The following SCAPER variants were observed in gnomAD, a reference collection of about 807,000 sequenced individuals.
SCAPER encodes S-phase cyclin A associated protein in the ER.
A neutral mutation model predicts 182.2 loss-of-function variants in SCAPER; 98 were observed. The ratio of observed to expected loss-of-function variants is 0.54; its 90% CI spans 0.46 to 0.64. The LOEUF is 0.64. Ranked by LOEUF, SCAPER falls within the 30% of genes least tolerant of loss-of-function variation. The pLI is 0.00. For missense variants in SCAPER, 1,432 were observed against 1,690.0 expected (o/e 0.85, Z 2.68); for synonymous variants, 605 against 564.6 (o/e 1.07, Z -1.01).
At chr15:76,458,229 C>T (rs1263792008) in intron 25 of SCAPER, among the ~76,000 whole-genome samples, 1 of 151,960 alleles carries the variant, frequency 6.6e-6, no homozygotes, top group Non-Finnish European at 1.5e-5. Context: ...TACACACACA[C>T]ACATATACCC....
intron 24 of SCAPER, among the ~76,000 whole-genome samples, chr15:76,491,585 C>T (rs1286462944): frequency 6.6e-6 from 1 of 152,094 alleles, no homozygotes; most frequent in Non-Finnish European, 1.5e-5. Context: ...ATATGTAGTT[C>T]CAACTTCTCT....
At position 76,774,860 on chromosome 15, in the gene SCAPER, T is replaced by C; in HGVS notation, c.1030A>G (p.Thr344Ala). Residue 344 changes from threonine to alanine, a missense_variant, in exon 9 of 32, where the codon ACC becomes GCC. By Grantham distance (58) the Thr-to-Ala change is moderately conservative. Transcript: ENST00000563290. Reference sequence around the variant, plus strand: ...GGATTTTCAGAATGTACTACCTGGGTTTTTTCGGCAAGAGGATGGTCACAA... The same window carrying C: ...GGATTTTCAGAATGTACTACCTGGGCTTTTTCGGCAAGAGGATGGTCACAA... Reference protein sequence around the residue: ...HSCDHPLAEKTQFTVSTLDDV... With the variant: ...HSCDHPLAEKAQFTVSTLDDV... 3.1e-6 allele frequency: 5 copies of C among 1,609,584 alleles called. No homozygotes were observed. The highest frequency in any genetic ancestry group is 4.2e-6 in the Non-Finnish European group (5 of 1,177,890).
chr15:76,418,801 C>T (rs1050997957), intron 26 of SCAPER, among the ~76,000 whole-genome samples: 3 of 152,232 alleles, frequency 2.0e-5, no homozygotes, highest in African/African-American at 7.2e-5. Context: ...CACATCTGGC[C>T]TGAGAGCTGG....
intron 1 of SCAPER, among the ~76,000 whole-genome samples, chr15:76,888,156 C>A (rs910507101): frequency 6.6e-6 from 1 of 152,220 alleles, no homozygotes; most frequent in South Asian, 2.1e-4. Flanking sequence ...GACATCCACA[C>A]CAAAACCTCA....
chr15:76,765,448 T>G lies in SCAPER; in HGVS notation c.1502A>C (p.Glu501Ala), dbSNP rs770656410. 1.2e-6 allele frequency: 2 copies of G among 1,613,700 alleles called. No individual in the cohort carries two copies. Among genetic ancestry groups the G allele is most frequent in the Non-Finnish European group, 1.7e-6 (2 of 1,179,694 alleles). ...NDVLADYEAR[E>A]SWRQNTSWGD... ...CCAGGATGTATTTTGGCGCCAAGAC[T>G]CACGAGCTGTTCAGAAAAAAATACT... The change falls in exon 13 of 32, where the codon GAG (glutamate) becomes GCG (alanine). Residue 501 changes from glutamate (E) to alanine (A), a missense_variant. Transcript: ENST00000563290.
intron 9 of SCAPER, among the ~76,000 whole-genome samples, chr15:76,772,552 T>C (rs1205234950): frequency 2.0e-5 from 3 of 152,080 alleles, no homozygotes; most frequent in East Asian, 1.9e-4. Flanking sequence ...GAGAAAAGCA[T>C]GACCTAAGGG....
intron 29 of SCAPER, among the ~76,000 whole-genome samples, chr15:76,358,340 G>A (rs562369343): frequency 6.6e-6 from 1 of 152,330 alleles, no homozygotes; most frequent in East Asian, 1.9e-4. Context: ...GGAAACCGTA[G>A]GTGAATTTTC....
intron 17 of SCAPER, among the ~76,000 whole-genome samples, chr15:76,727,206 TAG>T (rs1360093421): frequency 4.6e-5 from 7 of 152,086 alleles, no homozygotes; most frequent in Admixed American, 3.3e-4. Context: ...CCTGAATTTA[TAG>T]ATTCAATGCA....
chr15:76,671,765 G>A (rs568009038), intron 20 of SCAPER, among the ~76,000 whole-genome samples: 97 of 150,022 alleles, frequency 6.5e-4, no homozygotes, highest in Admixed American at 5.2e-3. Context: ...GCGAGACTCC[G>A]TTTAAAAAAA....
At chr15:76,822,747 T>C (rs1357954057) in intron 5 of SCAPER, among the ~76,000 whole-genome samples, 1 of 152,172 alleles carries the variant, frequency 6.6e-6, no homozygotes, top group Non-Finnish European at 1.5e-5. Flanking sequence ...TGATCACTGA[T>C]GCATCTAAAT....
chr15:76,372,075 CA>C, intron 29 of SCAPER, among the ~76,000 whole-genome samples: 1 of 151,856 alleles, frequency 6.6e-6, no homozygotes, highest in Non-Finnish European at 1.5e-5. Context: ...TGCATTTCAG[CA>C]ACTGCCCCAG....
intron 21 of SCAPER, among the ~76,000 whole-genome samples, chr15:76,645,549 T>C (rs562372005): frequency 1.3e-5 from 2 of 151,950 alleles, no homozygotes; most frequent in Non-Finnish European, 2.9e-5. Flanking sequence ...GGTTTGTATG[T>C]ATTTATTCTT....
rs141878708 is a variant in SCAPER at position 76,703,496 on chromosome 15, C to A, written c.2248-494G>T. Reference sequence around the variant, plus strand: ...GGCCCATCATGACCAAACCTATAACCTACTCCATTTTTATACCTCCAGTGA... The same window carrying A: ...GGCCCATCATGACCAAACCTATAACATACTCCATTTTTATACCTCCAGTGA... On this transcript the variant is annotated intron_variant, in intron 18 of 31. Transcript: ENST00000563290. Among the ~76,000 whole-genome samples the A allele has an allele frequency of 1.7e-4, 26 of 152,296 alleles. No individual in the cohort carries two copies. The East Asian group carries it at 2.5e-3, about 15-fold the overall frequency.
chr15:76,827,540 T>C lies in SCAPER; in HGVS notation c.393+14194A>G, dbSNP rs1273004439. 3.3e-5 allele frequency among the ~76,000 whole-genome samples: 5 copies of C among 151,930 alleles called. No individual in the cohort carries two copies. The South Asian group carries it at 6.2e-4, about 19-fold the overall frequency. The stretch of plus-strand genomic sequence containing the variant: ...TCCAAGTTTTACAGCAGGAAAGTAA[T>C]ATGAAGGACTATAAAAAGAAAAAAA... On this transcript the variant is annotated intron_variant, in intron 5 of 31. Transcript: ENST00000563290.
intron 5 of SCAPER, among the ~76,000 whole-genome samples, chr15:76,832,949 T>C (rs2068629696): frequency 6.6e-6 from 1 of 152,126 alleles, no homozygotes. Context: ...CATAGCAGTG[T>C]AAAAATGAAC....
At chr15:76,719,942 A>G (rs887623503) in intron 17 of SCAPER, among the ~76,000 whole-genome samples, 2 of 151,282 alleles carry the variant, frequency 1.3e-5, no homozygotes, top group Non-Finnish European at 2.9e-5. Flanking sequence ...TTTAATTATT[A>G]TTACACTTTA....
intron 29 of SCAPER, among the ~76,000 whole-genome samples, chr15:76,356,356 T>C (rs1187499997): frequency 1.3e-5 from 2 of 152,088 alleles, no homozygotes; most frequent in African/African-American, 4.8e-5. Flanking sequence ...AGTAGGGTTG[T>C]CTTGAGAGGG....
chr15:76,825,426 T>C (rs962431738), intron 5 of SCAPER, among the ~76,000 whole-genome samples: 4 of 152,206 alleles, frequency 2.6e-5, no homozygotes, highest in Non-Finnish European at 5.9e-5. Flanking sequence ...TCAAGTATAA[T>C]AACTAATGTC....
chr15:76,627,730 T>C (rs919074501), intron 21 of SCAPER, among the ~76,000 whole-genome samples: 8 of 152,212 alleles, frequency 5.3e-5, no homozygotes, highest in African/African-American at 1.9e-4. Flanking sequence ...TCTTTTTTAT[T>C]GTGAATAGTG....
Sources: allele counts gnomAD v4.1 joint callset (sites outside exome capture counted in the v4.1 genomes callset), GRCh38; gene constraint gnomAD v4.1.1; transcripts MANE v1.5; gene names NCBI Gene and HGNC (gene_info 2026-07-23, HGNC 2026-07-21).